Variants in PSORS1C1 observed in about 807,000 individuals in gnomAD.
PSORS1C1 encodes the protein psoriasis susceptibility 1 candidate gene 1 protein.
Under a neutral mutation model 9.4 loss-of-function variants are expected in PSORS1C1, and 7 were observed. The observed-to-expected ratio is 0.75, with a 90% CI of 0.42 to 1.40. PSORS1C1 has a LOEUF of 1.40. Among genes scored for constraint, PSORS1C1 ranks in the 40% most tolerant of loss-of-function variants. The pLI, the probability that PSORS1C1 is intolerant of heterozygous loss-of-function variation, is 0.01. For missense variants in PSORS1C1, 146 were observed against 178.1 expected, an observed-to-expected ratio of 0.82 and a Z score of 1.02; for synonymous variants, 63 against 69.4, an observed-to-expected ratio of 0.91 and a Z score of 0.46.
intron 1 of PSORS1C1, chr6:31,116,650 C>A (rs1772144513): frequency 6.2e-7 from 1 of 1,612,760 alleles, no homozygotes; most frequent in South Asian, 1.1e-5. Context: ...GGTGAAGTAG[C>A]CCACAGGGTA....
intron 3 of PSORS1C1, among the ~76,000 whole-genome samples, chr6:31,130,043 C>T (rs6906566): frequency 0.22 from 33,250 of 151,938 alleles, 4,195 homozygotes; most frequent in African/African-American, 0.34. Context: ...TGAGCTGTAA[C>T]TGCACCTCTG....
intron 1 of PSORS1C1, chr6:31,117,292 G>C: frequency 1.9e-6 from 3 of 1,595,526 alleles, no homozygotes; most frequent in Non-Finnish European, 2.6e-6. Flanking sequence ...CCCCGTTCCT[G>C]GCTTAAAAGA....
In PSORS1C1 at chr6:31,115,182, G is replaced by A. The variant is rs1055211121; in HGVS notation, c.-229+291G>A. On this transcript the variant is annotated intron_variant, in intron 1 of 5. Coordinates refer to ENST00000259881, the MANE Select transcript of PSORS1C1 (RefSeq NM_014068.3). This position sits in a 1 kb window ranked among gnomAD's most constrained non-coding sequence, Gnocchi z 4.2. The stretch of plus-strand genomic sequence containing the variant: ...CAGCCCGCTTTTGAAGGAAAATGAG[G>A]AACACAGAGACCTCTAGAGGCGTAG... The A allele has an allele frequency of 1.2e-5, 4 of 336,360 alleles. No homozygotes were observed. The highest frequency in any genetic ancestry group is 2.3e-5 in the Non-Finnish European group (4 of 172,976). The allele number at this position is 336,360 out of a possible 1,614,324, so 20.8% of individuals were successfully genotyped here.
At chr6:31,126,127 G>A (rs577014019) in intron 2 of PSORS1C1, among the ~76,000 whole-genome samples, 2 of 152,220 alleles carry the variant, frequency 1.3e-5, no homozygotes, top group Non-Finnish European at 2.9e-5. Flanking sequence ...GCAACACCCT[G>A]TGCAATCTCG....
Position 31,116,833 on chromosome 6 carries a change from C to T in PSORS1C1, c.-229+1942C>T, listed in dbSNP as rs752136614. 5 of 1,614,014 alleles carry T rather than the reference C, an allele frequency of 3.1e-6. No individual in the cohort carries two copies. The Admixed American group carries it at 5.0e-5, about 16-fold the overall frequency. The stretch of plus-strand genomic sequence containing the variant: ...TTGAACCACTCCAGGGGCACCAGAA[C>T]CGTGCTGGTCCACCACCACCACCAC... On this transcript the variant is annotated intron_variant, in intron 1 of 5. Coordinates refer to ENST00000259881, the MANE Select transcript of PSORS1C1 (RefSeq NM_014068.3).
chr6:31,117,556 G>C, intron 1 of PSORS1C1: 1 of 1,544,362 alleles, frequency 6.5e-7, no homozygotes, highest in Non-Finnish European at 8.7e-7. Flanking sequence ...TGGTTAGTAA[G>C]GGCCAAGGAG....
chr6:31,131,677 T>C (rs1179005526), intron 3 of PSORS1C1, among the ~76,000 whole-genome samples: 1 of 151,376 alleles, frequency 6.6e-6, no homozygotes, highest in Non-Finnish European at 1.5e-5. Context: ...CAGACCTAAA[T>C]TGAAATCCCA....
intron 3 of PSORS1C1, among the ~76,000 whole-genome samples, chr6:31,134,175 T>G (rs1346729823): frequency 4.0e-5 from 6 of 151,136 alleles, no homozygotes; most frequent in Non-Finnish European, 8.8e-5. Flanking sequence ...GAGACAGGGA[T>G]TCACCATGTT....
rs1386999995 is a variant in PSORS1C1, at chr6:31,139,001, C to A, written c.167+222C>A. On this transcript the variant is annotated intron_variant, in intron 5 of 5. Transcript: ENST00000259881. The surrounding 1 kb of genome is among the most constrained non-coding windows in gnomAD (Gnocchi z 5.2). Reference sequence around the variant, plus strand: ...GGTGTGCAGGCAAAGGACCAGGATCCCCAGGAGCTTCCAGTTGAGGATCAT... The same window carrying A: ...GGTGTGCAGGCAAAGGACCAGGATCACCAGGAGCTTCCAGTTGAGGATCAT... 2 of 1,614,024 alleles carry A rather than the reference C, an allele frequency of 1.2e-6. No individual in the cohort carries two copies. The highest frequency in any genetic ancestry group is 1.7e-6 in the Non-Finnish European group (2 of 1,180,010).
Position 31,128,275 on chromosome 6 carries a change from A to C in PSORS1C1, c.-64-1294A>C, listed in dbSNP as rs1177891185. On this transcript the variant is annotated intron_variant, in intron 2 of 5. Transcript: ENST00000259881. The surrounding 1 kb of genome is among the most constrained non-coding windows in gnomAD (Gnocchi z 4.3). ...GCTCTGGAGGAAAACACCTGAGAGG[A>C]GTCTCTAGGCTGCCCTCTGGTGGCA... is the stretch of plus-strand genomic sequence containing the variant. Among the ~76,000 whole-genome samples, 1 of 151,968 alleles carries C rather than the reference A, an allele frequency of 6.6e-6. No individual in the cohort carries two copies. Among genetic ancestry groups the C allele is most frequent in the Non-Finnish European group, 1.5e-5 (1 of 67,988 alleles).
At chr6:31,136,014 C>T (rs1318396947) in intron 3 of PSORS1C1, among the ~76,000 whole-genome samples, 3 of 152,170 alleles carry the variant, frequency 2.0e-5, no homozygotes, top group African/African-American at 4.8e-5. Flanking sequence ...GATCGTGCCA[C>T]TGCACTCCAG....
chr6:31,132,307 A>C (rs1772953005), intron 3 of PSORS1C1, among the ~76,000 whole-genome samples: 2 of 152,178 alleles, frequency 1.3e-5, no homozygotes. Context: ...AGATCACCTG[A>C]GGTCAGGAGT....
At chr6:31,138,159 C>T in intron 3 of PSORS1C1, 1 of 1,600,326 alleles carries the variant, frequency 6.2e-7, no homozygotes. Flanking sequence ...ACGACTGGGG[C>T]GGGTAGGCGG....
At position 31,128,496 on chromosome 6, in the gene PSORS1C1, T is replaced by C. The variant is rs920712604; in HGVS notation, c.-64-1073T>C. Reference sequence around the variant, plus strand: ...ATCCTGCCTGCCCCCATCACAGGAGTTGAGATTATACTGCAAAAGGAAAGG... The same window carrying C: ...ATCCTGCCTGCCCCCATCACAGGAGCTGAGATTATACTGCAAAAGGAAAGG... On this transcript the variant is annotated intron_variant, in intron 2 of 5. Coordinates refer to ENST00000259881, the MANE Select transcript of PSORS1C1 (RefSeq NM_014068.3). This position sits in a 1 kb window ranked among gnomAD's most constrained non-coding sequence, Gnocchi z 4.3. 2.6e-5 allele frequency among the ~76,000 whole-genome samples: 4 copies of C among 151,398 alleles called. No homozygotes were observed. Among genetic ancestry groups the C allele is most frequent in the African/African-American group, 9.7e-5 (4 of 41,138 alleles).
At chr6:31,122,504 G>T (rs571741745) in intron 1 of PSORS1C1, among the ~76,000 whole-genome samples, 17 of 152,260 alleles carry the variant, frequency 1.1e-4, no homozygotes, top group African/African-American at 3.4e-4. Flanking sequence ...GGCTGGGCAC[G>T]GTGGCTCACG....
rs570168104 is a variant in PSORS1C1 at position 31,116,913 on chromosome 6, C to T, written c.-229+2022C>T. ...AGCTGGGGATGTAGGGGCCGGAGTG[C>T]GAGACGATGGGCCCTCCACTGCAGG... On this transcript the variant is annotated intron_variant, in intron 1 of 5. Transcript: ENST00000259881. 92 of 1,614,064 alleles carry T rather than the reference C, an allele frequency of 5.7e-5. No individual in the cohort carries two copies. Among genetic ancestry groups the T allele is most frequent in the Admixed American group, 8.3e-5 (5 of 60,024 alleles).
chr6:31,138,022 G>C, intron 3 of PSORS1C1: 1 of 1,524,782 alleles, frequency 6.6e-7, no homozygotes, highest in Non-Finnish European at 8.8e-7. Context: ...TCAGGGGCAG[G>C]AGGCCAGGGG....
rs1772794036 is a variant in PSORS1C1 at position 31,128,937 on chromosome 6, A to G, written c.-64-632A>G. On this transcript the variant is annotated intron_variant, in intron 2 of 5. Transcript: ENST00000259881. This position sits in a 1 kb window ranked among gnomAD's most constrained non-coding sequence, Gnocchi z 4.3. ...ACTGCTTCCTGGGACTGTCACCATCACATAGCACCCCACAGAGCAGATGCT... is the reference window on the plus strand; with the variant it reads ...ACTGCTTCCTGGGACTGTCACCATCGCATAGCACCCCACAGAGCAGATGCT... Among the ~76,000 whole-genome samples, 2 of 152,208 alleles carry G rather than the reference A, an allele frequency of 1.3e-5. No individual in the cohort carries two copies. Among genetic ancestry groups the G allele is most frequent in the Admixed American group, 6.5e-5 (1 of 15,276 alleles).
chr6:31,139,762 T>C lies in PSORS1C1; in HGVS notation c.289T>C (p.Phe97Leu). 6.2e-7 allele frequency: 1 copy of C among 1,613,052 alleles called. No individual in the cohort carries two copies. The highest frequency in any genetic ancestry group is 8.5e-7 in the Non-Finnish European group (1 of 1,180,012). ...ILVPSSHPEL[F>L]ASVLPMAPEE... is the part of the protein sequence containing the mutation. The stretch of plus-strand genomic sequence containing the variant: ...GGTTCCCTCTTCCCACCCAGAGCTG[T>C]TTGCATCAGTCCTGCCAATGGCTCC... The change falls in exon 6 of 6, where the codon TTT (phenylalanine) becomes CTT (leucine). Residue 97 changes from phenylalanine to leucine, a missense_variant. Phe to Leu is a conservative substitution (Grantham distance 22). Transcript: ENST00000259881. The surrounding 1 kb of genome is among the most constrained non-coding windows in gnomAD (Gnocchi z 5.2).
Sources: gnomAD v4.1 joint callset for allele counts (sites outside exome capture counted in the v4.1 genomes callset) on GRCh38, gnomAD v4.1.1 for gene constraint, Gnocchi (gnomAD v3.1) non-coding constraint, MANE v1.5 for transcripts, NCBI Gene and HGNC (gene_info 2026-07-23, HGNC 2026-07-21) for gene names.